The following MIGA2 variants were observed in gnomAD, a reference collection of about 807,000 sequenced individuals.
The protein encoded by MIGA2 is mitoguardin 2.
Under a neutral mutation model 69.9 loss-of-function variants are expected in MIGA2, and 36 were observed. That is an observed-to-expected ratio of 0.52 (90% confidence interval 0.39 to 0.68). The LOEUF is 0.68. MIGA2 is among the 30% of genes least tolerant of loss of function. The pLI is 0.00. For missense variants in MIGA2, 660 were observed against 787.7 expected (o/e 0.84, Z 1.94); for synonymous variants, 333 against 349.2 (o/e 0.95, Z 0.52).
intron 3 of MIGA2, among the ~76,000 whole-genome samples, chr9:129,046,768 A>T (rs1231828068): frequency 2.7e-5 from 4 of 150,316 alleles, no homozygotes; most frequent in East Asian, 1.9e-4. Flanking sequence ...TTTTATTATT[A>T]TTTTTTAATT....
At chr9:129,044,151 GC>G (rs1440660675) in intron 3 of MIGA2, among the ~76,000 whole-genome samples, 1 of 150,722 alleles carries the variant, frequency 6.6e-6, no homozygotes, top group Non-Finnish European at 1.5e-5. Flanking sequence ...ATGAAACCAC[GC>G]CCGGCTAATT....
At position 129,061,361 on chromosome 9, in the gene MIGA2, AG is replaced by A; in HGVS notation, c.1010+18del. 3.9e-6 allele frequency: 2 copies of A among 514,866 alleles called. No individual in the cohort carries two copies. Among genetic ancestry groups the A allele is most frequent in the Non-Finnish European group, 7.5e-6 (2 of 266,676 alleles). 31.9% of individuals were successfully genotyped at this position (514,866 alleles called of 1,614,324 possible). Reference sequence around the variant, plus strand: ...CGGACCCTCAGGTGAGCAGGTGTGGAGGGAGGGAGGGAGGGAGCAGGAGGCG... The same window carrying A: ...CGGACCCTCAGGTGAGCAGGTGTGGAGGAGGGAGGGAGGGAGCAGGAGGCG... On this transcript the variant is annotated intron_variant, in intron 9 of 15. Transcript: ENST00000684074. The surrounding 1 kb of genome is among the most constrained non-coding windows in gnomAD (Gnocchi z 5.0).
chr9:129,067,309 C>T (rs1049117906), intron 11 of MIGA2, among the ~76,000 whole-genome samples: 5 of 152,218 alleles, frequency 3.3e-5, no homozygotes, highest in Admixed American at 6.5e-5. Context: ...GCCTCCGTGC[C>T]GTGCAGCGGC....
intron 6 of MIGA2, among the ~76,000 whole-genome samples, chr9:129,053,181 C>T (rs1845633614): frequency 6.6e-6 from 1 of 152,054 alleles, no homozygotes; most frequent in East Asian, 1.9e-4. Flanking sequence ...CACTGGCGCT[C>T]TGTGGGGGCG....
intron 3 of MIGA2, among the ~76,000 whole-genome samples, chr9:129,044,686 G>T (rs1260379834): frequency 6.6e-6 from 1 of 151,842 alleles, no homozygotes; most frequent in Non-Finnish European, 1.5e-5. Flanking sequence ...CCGAGTAGCT[G>T]GAATTACAGG....
rs1411405341 is a variant in MIGA2, at chr9:129,040,544, T to C, written c.-51T>C. 2 of 1,574,682 alleles carry C rather than the reference T, an allele frequency of 1.3e-6. No homozygotes were observed. Among genetic ancestry groups the C allele is most frequent in the Admixed American group, 1.8e-5 (1 of 56,072 alleles). On this transcript the variant is annotated 5_prime_UTR_variant, in exon 2 of 16. Coordinates refer to ENST00000684074, the MANE Select transcript of MIGA2 (RefSeq NM_001329990.2). Reference sequence around the variant, plus strand: ...AGCTGGCAACCAGTTGAAGACGTTCTCCTTGGAAGCTCTTGGCCCTGAGGA... The same window carrying C: ...AGCTGGCAACCAGTTGAAGACGTTCCCCTTGGAAGCTCTTGGCCCTGAGGA...
intron 3 of MIGA2, chr9:129,047,087 T>C (rs1845267027): frequency 6.7e-6 from 1 of 150,194 alleles, no homozygotes; most frequent in East Asian, 2.0e-4. Context: ...GCTATTTTGT[T>C]TTGTATTTTT....
chr9:129,058,117 C>A (rs1845885106), intron 6 of MIGA2, among the ~76,000 whole-genome samples: 1 of 151,944 alleles, frequency 6.6e-6, no homozygotes. Context: ...TATATGTGGG[C>A]TGGGCACGGT....
intron 11 of MIGA2, among the ~76,000 whole-genome samples, chr9:129,064,367 C>T (rs1349965900): frequency 6.6e-6 from 1 of 151,756 alleles, no homozygotes; most frequent in East Asian, 1.9e-4. Context: ...CCACCGTGCC[C>T]GGCTAATTTT....
chr9:129,066,959 C>T (rs1177491755), intron 11 of MIGA2, among the ~76,000 whole-genome samples: 1 of 32,122 alleles, frequency 3.1e-5, no homozygotes, highest in Non-Finnish European at 5.5e-5. Context: ...GACTCTGTCT[C>T]AAAAAAAAAA....
chr9:129,046,459 G>GTTT (rs796633939), intron 3 of MIGA2, among the ~76,000 whole-genome samples: 4 of 139,346 alleles, frequency 2.9e-5, no homozygotes, highest in East Asian at 2.1e-4. Flanking sequence ...CCCTGTCTCT[G>GTTT]TTTTTTTTTT....
In MIGA2 at chr9:129,059,105, C is replaced by T. The variant is rs1191665664; in HGVS notation, c.676-49C>T. The T allele has an allele frequency of 6.4e-7, 1 of 1,560,062 alleles. No individual in the cohort carries two copies. Among genetic ancestry groups the T allele is most frequent in the Non-Finnish European group, 8.8e-7 (1 of 1,132,616 alleles). ...TGGGGGTGAGGGAAGGGGCCATTTT[C>T]ATCGGGAGCTTTGAGGGTCTGGGTT... On this transcript the variant is annotated intron_variant, in intron 6 of 15. Coordinates refer to ENST00000684074, the MANE Select transcript of MIGA2 (RefSeq NM_001329990.2). The surrounding 1 kb of genome is among the most constrained non-coding windows in gnomAD (Gnocchi z 5.6).
chr9:129,051,585 A>G (rs1338228117), intron 6 of MIGA2, among the ~76,000 whole-genome samples: 3 of 145,842 alleles, frequency 2.1e-5, no homozygotes, highest in Admixed American at 6.9e-5. Flanking sequence ...TTATTTATTT[A>G]TTTATTTATT....
intron 2 of MIGA2, among the ~76,000 whole-genome samples, chr9:129,041,659 A>G (rs957773371): frequency 6.6e-6 from 1 of 152,110 alleles, no homozygotes; most frequent in African/African-American, 2.4e-5. Flanking sequence ...GACCTCAGTT[A>G]CTCAGTCTGT....
Position 129,068,069 on chromosome 9 carries a change from C to G in MIGA2, c.1270-129C>G, listed in dbSNP as rs901014318. 5 of 1,392,590 alleles carry G rather than the reference C, an allele frequency of 3.6e-6. No individual in the cohort carries two copies. In the South Asian group the frequency reaches 4.8e-5, roughly 13 times the overall value. 86.3% of individuals were successfully genotyped at this position (1,392,590 alleles called of 1,614,324 possible). ...CAGCTACACCCGTTGCACAGCAGAG[C>G]GGGAAAGACGTGTCCCCCCCACGTG... On this transcript the variant is annotated intron_variant, in intron 12 of 15. Coordinates refer to ENST00000684074, the MANE Select transcript of MIGA2 (RefSeq NM_001329990.2). This position sits in a 1 kb window ranked among gnomAD's most constrained non-coding sequence, Gnocchi z 4.1.
At position 129,049,903 on chromosome 9, in the gene MIGA2, C is replaced by A; in HGVS notation, c.615C>A (p.Ser205Arg). ...LSVGQRGDSG[S>R]TPMPRDGLRN... ...TGGGCCAGCGGGGGGACAGCGGCAG[C>A]ACCCCCATGCCCAGGGACGGCCTCC... Residue 205 changes from serine (S) to arginine (R), a missense_variant, in exon 6 of 16, where the codon AGC (serine) becomes AGA (arginine). Ser to Arg is a moderately radical substitution (Grantham distance 110). Coordinates refer to ENST00000684074, the MANE Select transcript of MIGA2 (RefSeq NM_001329990.2). 1.2e-6 allele frequency: 2 copies of A among 1,613,816 alleles called. No individual in the cohort carries two copies. Among genetic ancestry groups the A allele is most frequent in the South Asian group, 2.2e-5 (2 of 91,080 alleles).
At chr9:129,066,959 CAAAAAAAA>C (rs1215441028) in intron 11 of MIGA2, among the ~76,000 whole-genome samples, 5 of 32,122 alleles carry the variant, frequency 1.6e-4, no homozygotes, top group Admixed American at 9.2e-4. Context: ...GACTCTGTCT[CAAAAAAAA>C]AAAAAAAAAA....
In MIGA2 at chr9:129,068,329, G is replaced by A. The variant is rs141362455; in HGVS notation, c.1401G>A (p.Glu467=). 6.2e-7 allele frequency: 1 copy of A among 1,603,596 alleles called. No homozygotes were observed. The highest frequency in any genetic ancestry group is 8.5e-7 in the Non-Finnish European group (1 of 1,178,400). Reference sequence around the variant, plus strand: ...GCTGGCTGTCAGACAGCTTCAAGGAGACGGTGGGTCACTGCCCTGCTCTCA... The same window carrying A: ...GCTGGCTGTCAGACAGCTTCAAGGAAACGGTGGGTCACTGCCCTGCTCTCA... ...RNRWLSDSFK[E]TALATACWSV... The change falls in exon 13 of 16, where the codon GAG becomes GAA. Residue 467 remains glutamate (E), a synonymous_variant. Coordinates refer to ENST00000684074, the MANE Select transcript of MIGA2 (RefSeq NM_001329990.2). The surrounding 1 kb of genome is among the most constrained non-coding windows in gnomAD (Gnocchi z 4.1).
chr9:129,055,847 T>TG (rs1383486977), intron 6 of MIGA2, among the ~76,000 whole-genome samples: 2 of 131,348 alleles, frequency 1.5e-5, no homozygotes, highest in Non-Finnish European at 3.1e-5. Context: ...AGACTCCATC[T>TG]GAAAAAAAAA....
Sources: gnomAD v4.1 joint callset for allele counts (sites outside exome capture counted in the v4.1 genomes callset) on GRCh38, gnomAD v4.1.1 for gene constraint, Gnocchi (gnomAD v3.1) non-coding constraint, MANE v1.5 for transcripts, NCBI Gene and HGNC (gene_info 2026-07-23, HGNC 2026-07-21) for gene names.